Variants in SPDYE2 observed in about 807,000 individuals in gnomAD.
The protein encoded by SPDYE2 is speedy protein E2.
For missense variants in SPDYE2, 1 was observed against 121.0 expected, an observed-to-expected ratio of 0.01 and a Z score of 4.65; for synonymous variants, 2 against 45.1, an observed-to-expected ratio of 0.04 and a Z score of 3.83.
At chr7:102,554,866 G>C (rs906924646) in intron 3 of SPDYE2, among the ~76,000 whole-genome samples, 1 of 114,646 alleles carries the variant, frequency 8.7e-6, no homozygotes, top group Non-Finnish European at 2.1e-5. Context: ...AGGATTGCTT[G>C]AACTCAGGAC....
intron 4 of SPDYE2, 62 bp from the exon 5 acceptor site, chr7:102,557,102 C>T (rs1800805616): frequency 1.3e-6 from 1 of 777,692 alleles, no homozygotes; most frequent in Admixed American, 2.9e-5. Context: ...TCCTCCCTGC[C>T]CTGCTGCTCC....
rs1458733532 is a variant in SPDYE2, at chr7:102,555,630, C to CAA, written c.380-269_380-268dup. ...TGTTTCTCAACAACAACAACAACAA[C>CAA]AACAAAAAAAAAAAAAAAAAGGGAC... On this transcript the variant is annotated intron_variant, in intron 3 of 8. Coordinates refer to ENST00000507918, the Ensembl canonical transcript of SPDYE2. Among the ~76,000 whole-genome samples the CAA allele has an allele frequency of 1.4e-3, 78 of 56,160 alleles. 1 individual carries two copies. Among genetic ancestry groups the CAA allele is most frequent in the South Asian group, 9.1e-3 (10 of 1,094 alleles). 36.8% of individuals were successfully genotyped at this position (56,160 alleles called of 152,430 possible).
At chr7:102,553,884 GT>G (rs1800663472) in intron 2 of SPDYE2, among the ~76,000 whole-genome samples, 1 of 119,672 alleles carries the variant, frequency 8.4e-6, no homozygotes, top group Admixed American at 9.0e-5. Flanking sequence ...GAGGCCAGGA[GT>G]TTGAGACCAG....
chr7:102,554,220 G>A (rs1800676642), intron 2 of SPDYE2, 139 bp from the exon 3 acceptor site: 2 of 1,502,434 alleles, frequency 1.3e-6, no homozygotes, highest in East Asian at 2.4e-5. Context: ...TTGAGCAGAG[G>A]AGAAAATCAG....
intron 3 of SPDYE2, among the ~76,000 whole-genome samples, chr7:102,555,282 G>A (rs1800753084): frequency 7.7e-6 from 1 of 129,188 alleles, no homozygotes; most frequent in African/African-American, 2.9e-5. Context: ...GGGCCCAGAA[G>A]TCAGGAAGGA....
intron 5 of SPDYE2, among the ~76,000 whole-genome samples, chr7:102,557,426 G>A (rs1356513144): frequency 1.5e-5 from 2 of 133,776 alleles, no homozygotes; most frequent in Non-Finnish European, 3.1e-5. Flanking sequence ...GCAGTGTCTC[G>A]ATCTTGACTC....
In SPDYE2 at chr7:102,560,980, AG is replaced by A; in HGVS notation, c.1138del (p.Glu380SerfsTer32). 3 of 170,648 alleles carry A rather than the reference AG, an allele frequency of 1.8e-5. 1 individual carries two copies. The highest frequency in any genetic ancestry group is 1.2e-4 in the South Asian group (3 of 25,462). The allele number at this position is 170,648 out of a possible 1,614,324, so 10.6% of individuals were successfully genotyped here. A position where few individuals can be genotyped will look rare whatever the true frequency, so the allele number is the denominator to read the frequency against. On this transcript the variant is annotated frameshift_variant, in exon 7 of 9. Coordinates refer to ENST00000507918, the Ensembl canonical transcript of SPDYE2. LOFTEE classifies it high-confidence loss of function. Reference sequence around the variant, plus strand: ...AGCTGCAGGGCTTGGGTTTCCCCAGAGGAGTTGGAGGAGGTGAGTGGGGCCT... The same window carrying A: ...AGCTGCAGGGCTTGGGTTTCCCCAGAGAGTTGGAGGAGGTGAGTGGGGCCT...
chr7:102,563,138 A>G lies in SPDYE2; in HGVS notation c.*1128A>G, dbSNP rs1478768467. 3.2e-3 allele frequency: 460 copies of G among 145,394 alleles called. 3 individuals carry two copies. Among genetic ancestry groups the G allele is most frequent in the African/African-American group, 0.011 (426 of 39,330 alleles). The allele number at this position is 145,394 out of a possible 1,614,324, so 9.0% of individuals were successfully genotyped here. A position where few individuals can be genotyped will look rare whatever the true frequency, so the allele number is the denominator to read the frequency against. ...GTGTGATGGATATTATAACTGTTAT[A>G]TACACATACATATAATTTTGTTTTC... On this transcript the variant is annotated 3_prime_UTR_variant, in exon 9 of 9. Transcript: ENST00000507918.
At chr7:102,553,712 G>A (rs3959182) in intron 2 of SPDYE2, among the ~76,000 whole-genome samples, 503 of 39,120 alleles carry the variant, frequency 0.013, 90 homozygotes, top group African/African-American at 0.021. Flanking sequence ...CTGAGAGCAC[G>A]CTACTGCACT....
intron 3 of SPDYE2, among the ~76,000 whole-genome samples, chr7:102,555,633 C>CAACAA (rs1408442745): frequency 2.6e-5 from 1 of 39,072 alleles, no homozygotes; most frequent in African/African-American, 8.5e-5. Context: ...ACAACAACAA[C>CAACAA]AAAAAAAAAA....
intron 5 of SPDYE2, among the ~76,000 whole-genome samples, chr7:102,557,647 C>T: frequency 1.7e-5 from 1 of 58,726 alleles, no homozygotes. Flanking sequence ...TAGACGTCAG[C>T]CACTGTGCCC....
At chr7:102,554,773 C>T (rs201904843) in intron 3 of SPDYE2, among the ~76,000 whole-genome samples, 196 bp downstream of exon 3, 9 of 128,154 alleles carry the variant, frequency 7.0e-5, no homozygotes, top group Middle Eastern at 3.6e-3. Context: ...TAAAGGTTGG[C>T]GCTTGGGATG....
chr7:102,557,240 G>A lies in SPDYE2; in HGVS notation c.669+18G>A. On this transcript the variant is annotated intron_variant, in intron 5 of 8. Transcript: ENST00000507918. The stretch of plus-strand genomic sequence containing the variant: ...CGGACAAGGTAAGGTTGTTCTCCAT[G>A]TAACTGTTCCTGTTCCAACGCATGG... 1 of 521,246 alleles carries A rather than the reference G, an allele frequency of 1.9e-6. No individual in the cohort carries two copies. The highest frequency in any genetic ancestry group is 1.9e-5 in the South Asian group (1 of 52,836). 32.3% of individuals were successfully genotyped at this position (521,246 alleles called of 1,614,324 possible).
intron 3 of SPDYE2, among the ~76,000 whole-genome samples, chr7:102,555,156 C>A (rs1381906067): frequency 7.2e-6 from 1 of 138,340 alleles, no homozygotes; most frequent in African/African-American, 2.6e-5. Flanking sequence ...TCGCTTGAAC[C>A]CAGGTGGAAG....
chr7:102,554,753 C>T (rs1800716156), intron 3 of SPDYE2, among the ~76,000 whole-genome samples, 176 bp downstream of exon 3: 1 of 132,224 alleles, frequency 7.6e-6, no homozygotes. Flanking sequence ...GAAGACTAGG[C>T]TAGACTTGAT....
chr7:102,564,308 CT>C (rs1288869115), downstream of SPDYE2: 3 of 115,190 alleles, frequency 2.6e-5, no homozygotes, highest in Non-Finnish European at 3.8e-5. Flanking sequence ...AACCCTGTCT[CT>C]ACTAAAAATA....
At chr7:102,564,392 T>A (rs1800981743), downstream of SPDYE2, 1 of 139,540 alleles carries the variant, frequency 7.2e-6, no homozygotes, top group African/African-American at 2.6e-5. Flanking sequence ...GGAGAATCAC[T>A]AGCAGAGATT....
At chr7:102,564,422 C>CAAAAA (rs1224346476), downstream of SPDYE2, 1 of 103,622 alleles carries the variant, frequency 9.7e-6, no homozygotes, top group South Asian at 3.2e-4. Flanking sequence ...CACCCCCTCT[C>CAAAAA]AAAAAAAAAA....
chr7:102,554,260 C>G, intron 2 of SPDYE2, 99 bp from the exon 3 acceptor site: 1 of 1,572,518 alleles, frequency 6.4e-7, no homozygotes, highest in Non-Finnish European at 8.6e-7. Flanking sequence ...CAGCAGTCTG[C>G]AAGTCTGGGG....
Sources: gnomAD v4.1 joint callset for allele counts (sites outside exome capture counted in the v4.1 genomes callset) on GRCh38, gnomAD v4.1.1 for gene constraint, MANE v1.5 for transcripts, NCBI Gene and HGNC (gene_info 2026-07-23, HGNC 2026-07-21) for gene names.